Variants in PACRGL observed in about 807,000 individuals in gnomAD.
The protein encoded by PACRGL is PACRG-like protein.
A neutral mutation model predicts 34.5 loss-of-function variants in PACRGL; 38 were observed. That is an observed-to-expected ratio of 1.10 (90% CI 0.85 to 1.44). The LOEUF (loss-of-function observed/expected upper bound fraction) is 1.44, where lower values mean the gene tolerates loss of function less well. Among genes scored for constraint, PACRGL ranks in the 40% most tolerant of loss-of-function variants. PACRGL has a pLI of 0.00. For missense variants in PACRGL, 305 were observed against 281.4 expected, an observed-to-expected ratio of 1.08 and a Z score of -0.60; for synonymous variants, 128 against 100.1, an observed-to-expected ratio of 1.28 and a Z score of -1.66.
At chr4:20,712,725 A>G in intron 5 of PACRGL, 63 bp from the exon 6 acceptor site, 5 of 1,317,434 alleles carry the variant, frequency 3.8e-6, no homozygotes, top group Non-Finnish European at 4.9e-6. Context: ...TAAAGACTCA[A>G]TTTTTCTGTT....
chr4:20,700,149 GA>G (rs1470944687), upstream of PACRGL, among the ~76,000 whole-genome samples: 4 of 152,336 alleles, frequency 2.6e-5, no homozygotes, highest in South Asian at 6.2e-4. Context: ...AAGTGTGCGA[GA>G]AAAGCGTTTA....
rs139070230 is a variant in PACRGL at position 20,713,519 on chromosome 4, C to G, written c.589C>G (p.Leu197Val). Residue 197 changes from leucine to valine, a missense_variant, in exon 7 of 9, where the codon CTG becomes GTG. By Grantham distance (32) the Leu-to-Val change is conservative. Coordinates refer to ENST00000503585, the MANE Select transcript of PACRGL (RefSeq NM_001258345.3). ...VVVGPSLNDH[L>V]KHLLTSLSKR... is the part of the protein sequence containing the mutation. Reference sequence around the variant, plus strand: ...TGTTGGTCCTTCTCTAAACGACCATCTGAAGCATCTGCTTACAAGCGTAAG... The same window carrying G: ...TGTTGGTCCTTCTCTAAACGACCATGTGAAGCATCTGCTTACAAGCGTAAG... The G allele has an allele frequency of 2.3e-3, 3,738 of 1,611,914 alleles. 7 individuals carry two copies. Among genetic ancestry groups the G allele is most frequent in the Middle Eastern group, 2.5e-3 (15 of 6,054 alleles).
intron 7 of PACRGL, chr4:20,716,163 G>A (rs1409103500): frequency 1.5e-6 from 2 of 1,350,894 alleles, no homozygotes; most frequent in Non-Finnish European, 2.0e-6. Flanking sequence ...TGATTTGCCA[G>A]AAGGATCCAT....
chr4:20,714,999 A>C (rs1055730218), intron 7 of PACRGL, among the ~76,000 whole-genome samples: 10 of 152,108 alleles, frequency 6.6e-5, no homozygotes, highest in African/African-American at 1.9e-4. Flanking sequence ...GCACTACTCA[A>C]AATAGCAAAG....
rs1748308230 is a variant in PACRGL, at chr4:20,731,813, G to A, written c.*4472G>A. 1.0e-6 allele frequency: 1 copy of A among 985,366 alleles called. No homozygotes were observed. The highest frequency in any genetic ancestry group is 1.2e-6 in the Non-Finnish European group (1 of 829,912). The allele number at this position is 985,366 out of a possible 1,614,324, so 61.0% of individuals were successfully genotyped here. ...AGGGTTTCCTCCATAGCCTGACTCA[G>A]TGGGCACTCTAAATGTTGATTATGT... On this transcript the variant is annotated 3_prime_UTR_variant, in exon 9 of 9. Transcript: ENST00000503585.
At chr4:20,713,376 C>T (rs957745604) in intron 6 of PACRGL, 56 bp from the exon 7 acceptor site, 1 of 1,353,772 alleles carries the variant, frequency 7.4e-7, no homozygotes, top group African/African-American at 1.4e-5. Context: ...TCTTTTCTTT[C>T]CTTTTCTCCT....
chr4:20,734,428 A>G (rs1344933068), downstream of PACRGL, among the ~76,000 whole-genome samples: 1 of 152,174 alleles, frequency 6.6e-6, no homozygotes, highest in Non-Finnish European at 1.5e-5. Context: ...TGTAATCTTT[A>G]TGTGTTATAT....
At chr4:20,732,630 G>C (rs905482541), downstream of PACRGL, 3 of 1,201,218 alleles carry the variant, frequency 2.5e-6, no homozygotes, top group Non-Finnish European at 3.7e-6. Flanking sequence ...GCAAACATCA[G>C]GAAATTTTCT....
At chr4:20,749,028 C>G (rs568245595) in intron 8 of PACRGL, among the ~76,000 whole-genome samples, 2 of 151,468 alleles carry the variant, frequency 1.3e-5, no homozygotes, top group African/African-American at 4.8e-5. Context: ...CGTGGTGGCA[C>G]GGGCCTGTAA....
At chr4:20,732,931 A>C, downstream of PACRGL, 1 of 579,494 alleles carries the variant, frequency 1.7e-6, no homozygotes, top group East Asian at 2.9e-5. Flanking sequence ...TGGTTGTCCC[A>C]AAGGAAAAGG....
At chr4:20,749,616 C>T (rs774295683) in intron 8 of PACRGL, 1 of 1,349,056 alleles carries the variant, frequency 7.4e-7, no homozygotes, top group East Asian at 2.4e-5. Flanking sequence ...CCTAAAAAGA[C>T]TAAACTCTAA....
chr4:20,756,043 A>T (rs1479353157), downstream of PACRGL, among the ~76,000 whole-genome samples: 1 of 152,092 alleles, frequency 6.6e-6, no homozygotes, highest in African/African-American at 2.4e-5. Context: ...TTTTAACGGG[A>T]TCACTCTGAC....
At chr4:20,704,412 C>A in intron 1 of PACRGL, 54 bp from the exon 2 acceptor site, 2 of 1,534,442 alleles carry the variant, frequency 1.3e-6, no homozygotes, top group Non-Finnish European at 1.8e-6. Flanking sequence ...TTATTGATAA[C>A]AAATGCCCCT....
the PACRGL span, chr4:20,758,977 A>G: frequency 2.1e-6 from 2 of 974,538 alleles, no homozygotes; most frequent in South Asian, 2.8e-5. Context: ...ACTGTCTACC[A>G]TGCAAAGCTG....
chr4:20,713,207 T>G (rs889653602), intron 6 of PACRGL: 4 of 568,738 alleles, frequency 7.0e-6, no homozygotes, highest in African/African-American at 5.6e-5. Flanking sequence ...CTACATATAT[T>G]TTAGTTAATG....
Position 20,729,889 on chromosome 4 carries a change from ATTATGAAAAGGATGCAAATTTAT to A in PACRGL, c.*2549_*2571del. The A allele has an allele frequency of 1.9e-6, 1 of 518,206 alleles. No individual in the cohort carries two copies. The highest frequency in any genetic ancestry group is 5.2e-4 in the Middle Eastern group (1 of 1,906). 32.1% of individuals were successfully genotyped at this position (518,206 alleles called of 1,614,324 possible). A position where few individuals can be genotyped will look rare whatever the true frequency, so the allele number is the denominator to read the frequency against. On this transcript the variant is annotated 3_prime_UTR_variant, in exon 9 of 9. Transcript: ENST00000503585. Reference sequence around the variant, plus strand: ...TAGACCATCCCCTGAACTCAGTGGCATTATGAAAAGGATGCAAATTTATAACTGAAAGCTCAAATCTTTTGGGG... The same window carrying A: ...TAGACCATCCCCTGAACTCAGTGGCAAACTGAAAGCTCAAATCTTTTGGGG...
chr4:20,740,757 C>G (rs1209914513), intron 8 of PACRGL, among the ~76,000 whole-genome samples: 1 of 152,090 alleles, frequency 6.6e-6, no homozygotes, highest in Non-Finnish European at 1.5e-5. Flanking sequence ...GCTAAACGCA[C>G]CAATTAAAAG....
At position 20,728,804 on chromosome 4, in the gene PACRGL, A is replaced by AAGAC. The variant is rs1162416736; in HGVS notation, c.*1466_*1469dup. ...AATAGATACCTGATTTATTGTTGCA[A>AAGAC]AGACAGTTGCAAATTTCCTCCTTCT... On this transcript the variant is annotated 3_prime_UTR_variant, in exon 9 of 9. Transcript: ENST00000503585. 2 of 152,540 alleles carry AAGAC rather than the reference A, an allele frequency of 1.3e-5. No individual in the cohort carries two copies. The highest frequency in any genetic ancestry group is 2.4e-5 in the African/African-American group (1 of 41,404). 9.4% of individuals were successfully genotyped at this position (152,540 alleles called of 1,614,324 possible). A position where few individuals can be genotyped will look rare whatever the true frequency, so the allele number is the denominator to read the frequency against.
chr4:20,712,121 CTA>C (rs1218118680), intron 5 of PACRGL, among the ~76,000 whole-genome samples: 1 of 151,982 alleles, frequency 6.6e-6, no homozygotes, highest in Non-Finnish European at 1.5e-5. Context: ...TTCTTTTTGT[CTA>C]TAGTTTCATT....
Sources: allele counts gnomAD v4.1 joint callset (sites outside exome capture counted in the v4.1 genomes callset), GRCh38; gene constraint gnomAD v4.1.1; transcripts MANE v1.5; gene names NCBI Gene and HGNC (gene_info 2026-07-23, HGNC 2026-07-21).